Variants in PCDHGA10 observed in about 807,000 individuals in gnomAD.
The protein encoded by PCDHGA10 is protocadherin gamma subfamily A, 10.
Under a neutral mutation model 59.5 loss-of-function variants are expected in PCDHGA10, and 42 were observed. The observed-to-expected ratio is 0.71, with a 90% CI of 0.55 to 0.91. The LOEUF (loss-of-function observed/expected upper bound fraction) is 0.91, where lower values mean the gene tolerates loss of function less well. PCDHGA10 is among the 40% of genes least tolerant of loss of function. The pLI is 0.00. For synonymous variants in PCDHGA10, 511 were observed against 517.2 expected (o/e 0.99, Z 0.16); for missense variants, 1,111 against 1,198.2 (o/e 0.93, Z 1.07).
intron 1 of PCDHGA10, among the ~76,000 whole-genome samples, chr5:141,439,422 A>C (rs1476209707): frequency 6.6e-6 from 1 of 152,188 alleles, no homozygotes; most frequent in Non-Finnish European, 1.5e-5. Context: ...TGAGGTTATA[A>C]ATTCCCAGGA....
At chr5:141,458,594 G>T (rs1226490392) in intron 1 of PCDHGA10, among the ~76,000 whole-genome samples, 1 of 151,612 alleles carries the variant, frequency 6.6e-6, no homozygotes, top group Non-Finnish European at 1.5e-5. Context: ...TTTTGGAGAC[G>T]AGTCTCACTC....
At chr5:141,419,889 A>T in intron 1 of PCDHGA10, 1 of 1,614,084 alleles carries the variant, frequency 6.2e-7, no homozygotes, top group Middle Eastern at 1.6e-4. Flanking sequence ...GATTTCAGCG[A>T]CCATCCCACA....
intron 1 of PCDHGA10, chr5:141,426,979 A>G (rs762085745): frequency 4.2e-5 from 19 of 456,640 alleles, no homozygotes; most frequent in Non-Finnish European, 7.5e-5. Flanking sequence ...GAGGTCACTG[A>G]TGCCAACGAT....
chr5:141,415,740 GTTTTTTTTTTT>G lies in PCDHGA10; in HGVS notation c.2436+151_2436+161del, dbSNP rs57426385. On this transcript the variant is annotated intron_variant, in intron 1 of 3. Transcript: ENST00000398610. ...TGAGTAGAATTTGATGTTTATTAAGGTTTTTTTTTTTTTTTTTTTTTTTTTTTTTTTTACTT... is the reference window on the plus strand; with the variant it reads ...TGAGTAGAATTTGATGTTTATTAAGGTTTTTTTTTTTTTTTTTTTTTACTT... 695 of 624,702 alleles carry G rather than the reference GTTTTTTTTTTT, an allele frequency of 1.1e-3. 1 individual carries two copies. Among genetic ancestry groups the G allele is most frequent in the East Asian group, 1.8e-3 (27 of 14,732 alleles). 38.7% of individuals were successfully genotyped at this position (624,702 alleles called of 1,614,324 possible).
intron 1 of PCDHGA10, among the ~76,000 whole-genome samples, chr5:141,484,819 G>A (rs2099601374): frequency 1.3e-5 from 2 of 152,122 alleles, no homozygotes; most frequent in Admixed American, 1.3e-4. Flanking sequence ...GCCGTTGAGC[G>A]GGAGGAAGGC....
intron 1 of PCDHGA10, among the ~76,000 whole-genome samples, chr5:141,449,579 ACT>A (rs370512396): frequency 0.052 from 7,360 of 141,924 alleles, 400 homozygotes; most frequent in African/African-American, 0.14. Flanking sequence ...ACAGAGCAAG[ACT>A]CTGTCTCAAA....
intron 1 of PCDHGA10, among the ~76,000 whole-genome samples, chr5:141,454,657 C>T (rs554561906): frequency 5.1e-4 from 77 of 152,192 alleles, no homozygotes; most frequent in African/African-American, 1.7e-3. Flanking sequence ...CTGCCCACCT[C>T]GGCCTCCCAA....
At chr5:141,464,411 A>G (rs1029342220) in intron 1 of PCDHGA10, among the ~76,000 whole-genome samples, 3 of 151,624 alleles carry the variant, frequency 2.0e-5, no homozygotes, top group Admixed American at 6.6e-5. Flanking sequence ...AGATATATAT[A>G]TATCTATATA....
chr5:141,505,243 G>A (rs2099844728), intron 2 of PCDHGA10, 150 bp from the exon 3 acceptor site: 1 of 1,424,622 alleles, frequency 7.0e-7, no homozygotes, highest in Non-Finnish European at 9.4e-7. Flanking sequence ...CTGAAGGATT[G>A]TAGAAGTGCC....
At chr5:141,424,712 G>A (rs2096836283) in intron 1 of PCDHGA10, 1 of 152,126 alleles carries the variant, frequency 6.6e-6, no homozygotes, top group Non-Finnish European at 1.5e-5. Context: ...CATTTTCAGT[G>A]TAGTTGGGAG....
intron 2 of PCDHGA10, among the ~76,000 whole-genome samples, chr5:141,503,598 C>CA (rs765754054): frequency 0.15 from 9,705 of 65,252 alleles, 922 homozygotes; most frequent in African/African-American, 0.34. Context: ...GACTCCAGCT[C>CA]AAAAAAAAAA....
rs765809429 is a variant in PCDHGA10 at position 141,511,205 on chromosome 5, C to A, written c.*32C>A. On this transcript the variant is annotated 3_prime_UTR_variant, in exon 4 of 4. Coordinates refer to ENST00000398610, the MANE Select transcript of PCDHGA10 (RefSeq NM_018913.3). ...GGCCAGGCCAAGAGCCACAGGGCGGCCTCTCCCCAACCAGCCCAGCTTCTC... is the reference window on the plus strand; with the variant it reads ...GGCCAGGCCAAGAGCCACAGGGCGGACTCTCCCCAACCAGCCCAGCTTCTC... 4.3e-6 allele frequency: 7 copies of A among 1,611,426 alleles called. No homozygotes were observed. The Admixed American group carries it at 6.7e-5, about 15-fold the overall frequency.
At chr5:141,478,074 A>G in intron 1 of PCDHGA10, 1 of 1,614,090 alleles carries the variant, frequency 6.2e-7, no homozygotes, top group Non-Finnish European at 8.5e-7. Context: ...GACAATGGGG[A>G]GCCTTCGCTC....
rs775416808 is a variant in PCDHGA10, at chr5:141,429,727, G to A, written c.2436+14116G>A. ...TAAATATTTACGCTCATGAAAGTAC[G>A]TAGCCAGTTATTTCTTAGGGAGAAT... On this transcript the variant is annotated intron_variant, in intron 1 of 3. Transcript: ENST00000398610. 7.2e-5 allele frequency among the ~76,000 whole-genome samples: 11 copies of A among 152,158 alleles called. 1 individual carries two copies. The highest frequency in any genetic ancestry group is 1.9e-4 in the East Asian group (1 of 5,188).
intron 1 of PCDHGA10, among the ~76,000 whole-genome samples, chr5:141,435,946 A>C (rs953432473): frequency 6.6e-6 from 1 of 152,174 alleles, no homozygotes; most frequent in Non-Finnish European, 1.5e-5. Flanking sequence ...CTGAGACCAA[A>C]AAAGGGGGCA....
In PCDHGA10 at chr5:141,415,599, C is replaced by G. The variant is rs201075690; in HGVS notation, c.2424C>G (p.Thr808=). ...ATTCGAAGTTTCCTATAGAGGATACCCCATTGGTTCCAGTGAGTTTTATTT... is the reference window on the plus strand; with the variant it reads ...ATTCGAAGTTTCCTATAGAGGATACGCCATTGGTTCCAGTGAGTTTTATTT... ...LDDSKFPIED[T]PLVPQAPPNT... The change falls in exon 1 of 4, where the codon ACC becomes ACG. Residue 808 remains threonine (T), a synonymous_variant. Transcript: ENST00000398610. 321 of 1,613,514 alleles carry G rather than the reference C, an allele frequency of 2.0e-4. No individual in the cohort carries two copies. Among genetic ancestry groups the G allele is most frequent in the South Asian group, 6.6e-4 (60 of 91,028 alleles).
intron 2 of PCDHGA10, 91 bp from the exon 3 acceptor site, chr5:141,505,302 G>T: frequency 6.3e-7 from 1 of 1,592,714 alleles, no homozygotes; most frequent in Non-Finnish European, 8.5e-7. Context: ...TAGGGTTAGG[G>T]TACTAGGTTT....
intron 1 of PCDHGA10, among the ~76,000 whole-genome samples, chr5:141,425,114 T>A (rs537694464): frequency 5.9e-5 from 9 of 152,326 alleles, no homozygotes; most frequent in African/African-American, 2.2e-4. Context: ...TGCCTACATT[T>A]TTCTTGAAGT....
Position 141,498,971 on chromosome 5 carries a change from GGGAAGGAAGGAAGGAAGGAAGGAA to G in PCDHGA10, c.2495+4140_2495+4163del, listed in dbSNP as rs201769957. 5.1e-3 allele frequency among the ~76,000 whole-genome samples: 569 copies of G among 111,048 alleles called. 6 individuals carry two copies. Among genetic ancestry groups the G allele is most frequent in the South Asian group, 0.024 (65 of 2,658 alleles). 72.9% of individuals were successfully genotyped at this position (111,048 alleles called of 152,430 possible). A position where few individuals can be genotyped will look rare whatever the true frequency, so the allele number is the denominator to read the frequency against. On this transcript the variant is annotated intron_variant, in intron 2 of 3. Coordinates refer to ENST00000398610, the MANE Select transcript of PCDHGA10 (RefSeq NM_018913.3). ...AAAAAGAGAGAGAGGGAGGGAGGGA[GGGAAGGAAGGAAGGAAGGAAGGAA>G]GGAAGGAAGGAAGGAAGGAAGGAAG...
Sources: allele counts gnomAD v4.1 joint callset (sites outside exome capture counted in the v4.1 genomes callset), GRCh38; gene constraint gnomAD v4.1.1; transcripts MANE v1.5; gene names NCBI Gene and HGNC (gene_info 2026-07-23, HGNC 2026-07-21).